Variants in ANK2 observed in about 807,000 individuals in gnomAD.
The protein encoded by ANK2 is ankyrin-2.
ANK2 carries 83 observed loss-of-function variants against 360.5 expected under a neutral mutation model. The ratio of observed to expected loss-of-function variants is 0.23; its 90% confidence interval spans 0.19 to 0.28. The LOEUF is 0.28. ANK2 is among the 10% of genes least tolerant of loss of function. The pLI is 1.00. For missense variants in ANK2, 4,201 were observed against 4,795.7 expected (o/e 0.88, Z 3.66); for synonymous variants, 1,740 against 1,759.5 (o/e 0.99, Z 0.28).
intron 1 of ANK2, among the ~76,000 whole-genome samples, chr4:113,172,908 A>G (rs1333677398): frequency 6.6e-6 from 1 of 152,226 alleles, no homozygotes; most frequent in Non-Finnish European, 1.5e-5. Flanking sequence ...AGCAAAATAA[A>G]TTTCATAGAA....
intron 1 of ANK2, among the ~76,000 whole-genome samples, chr4:113,106,094 G>T (rs1052262216): frequency 1.3e-5 from 2 of 151,974 alleles, no homozygotes; most frequent in Non-Finnish European, 2.9e-5. Context: ...CTATTATATG[G>T]TATGGCTTGA....
At chr4:113,195,929 G>A (rs1388203646) in intron 2 of ANK2, among the ~76,000 whole-genome samples, 2 of 152,140 alleles carry the variant, frequency 1.3e-5, no homozygotes, top group Non-Finnish European at 2.9e-5. Context: ...AATCCCAGGA[G>A]GTGGGGAGTA....
chr4:113,350,431 A>G, intron 37 of ANK2, 182 bp downstream of exon 37: 1 of 526,260 alleles, frequency 1.9e-6, no homozygotes, highest in South Asian at 3.0e-5. Flanking sequence ...AATATACCTA[A>G]TTTGCGAGCT....
chr4:113,230,514 CA>C (rs376508854), intron 4 of ANK2, among the ~76,000 whole-genome samples: 260 of 136,906 alleles, frequency 1.9e-3, no homozygotes, highest in Admixed American at 2.0e-3. Context: ...GACTCCATCT[CA>C]AAAAAAAAAA....
At chr4:112,949,787 A>T (rs2094809728) in intron 2 of ANK2, among the ~76,000 whole-genome samples, 2 of 152,248 alleles carry the variant, frequency 1.3e-5, no homozygotes, top group Admixed American at 1.3e-4. Flanking sequence ...AGGAAAAAGA[A>T]TGCCCAATTA....
chr4:113,142,316 A>G (rs939544784), intron 1 of ANK2, among the ~76,000 whole-genome samples: 11 of 152,194 alleles, frequency 7.2e-5, no homozygotes, highest in Non-Finnish European at 1.5e-4. Flanking sequence ...GGAAGATAGA[A>G]CTAGAAACGT....
At chr4:113,013,447 T>C (rs1224459813) in intron 2 of ANK2, among the ~76,000 whole-genome samples, 2 of 152,228 alleles carry the variant, frequency 1.3e-5, no homozygotes, top group Non-Finnish European at 1.5e-5. Context: ...TTGGTATTTA[T>C]GTCTTTCTCA....
chr4:112,988,865 T>C (rs2045806294), intron 2 of ANK2, among the ~76,000 whole-genome samples: 1 of 151,924 alleles, frequency 6.6e-6, no homozygotes, highest in Non-Finnish European at 1.5e-5. Flanking sequence ...CAGAGCTCAA[T>C]ATGTAAGCGT....
intron 1 of ANK2, among the ~76,000 whole-genome samples, chr4:113,157,330 A>G (rs1199402625): frequency 6.6e-6 from 1 of 152,214 alleles, no homozygotes; most frequent in Non-Finnish European, 1.5e-5. Flanking sequence ...AGCTAGTAAC[A>G]GTCTACGTGC....
At chr4:112,784,321 A>T in the ANK2 span, among the ~76,000 whole-genome samples, 267 of 145,376 alleles carry the variant, frequency 1.8e-3, 1 homozygote, top group African/African-American at 6.3e-3. Flanking sequence ...AGAAATTGGG[A>T]CTACAGGCAC....
the ANK2 span, among the ~76,000 whole-genome samples, chr4:112,804,317 G>A: frequency 1.3e-5 from 2 of 152,126 alleles, no homozygotes; most frequent in African/African-American, 2.4e-5. Flanking sequence ...ACCGTGCCCG[G>A]CCAATCTCAC....
intron 2 of ANK2, among the ~76,000 whole-genome samples, chr4:112,993,505 A>C (rs1372031956): frequency 1.3e-5 from 2 of 151,506 alleles, no homozygotes; most frequent in Admixed American, 1.3e-4. Flanking sequence ...ACAGGGTTTC[A>C]CCATTGTGGC....
At chr4:112,829,026 G>A (rs116555625) in intron 1 of ANK2, among the ~76,000 whole-genome samples, 144 of 152,164 alleles carry the variant, frequency 9.5e-4, no homozygotes, top group African/African-American at 3.2e-3. Flanking sequence ...GCGTGGTGGC[G>A]CCTGTAATCC....
chr4:112,843,245 G>A (rs1458316786), intron 1 of ANK2, among the ~76,000 whole-genome samples: 2 of 152,206 alleles, frequency 1.3e-5, no homozygotes, highest in African/African-American at 4.8e-5. Context: ...CCTTCACGGA[G>A]ATGTACAACT....
At chr4:113,323,711 T>C (rs760006121) in intron 26 of ANK2, 1 of 1,567,506 alleles carries the variant, frequency 6.4e-7, no homozygotes, top group South Asian at 1.2e-5. Flanking sequence ...TCCTTATATT[T>C]CACTTTATCC....
Position 113,355,615 on chromosome 4 carries a change from GTAGCAT to G in ANK2, c.7002_7007del (p.Leu2335_Ala2336del). ...AGATGATTGCACAGGCAGCTGTAGT[GTAGCAT>G]TAGCTAAAGAGACACCTACAGGACT... On this transcript the variant is annotated inframe_deletion, in exon 38 of 46. Transcript: ENST00000357077. The G allele has an allele frequency of 6.2e-7, 1 of 1,614,088 alleles. No homozygotes were observed. Among genetic ancestry groups the G allele is most frequent in the Non-Finnish European group, 8.5e-7 (1 of 1,179,982 alleles).
chr4:113,104,302 C>T (rs559454155), intron 1 of ANK2, among the ~76,000 whole-genome samples: 1 of 152,204 alleles, frequency 6.6e-6, no homozygotes, highest in South Asian at 2.1e-4. Flanking sequence ...AAAAGAAAAG[C>T]AATTAGTTTG....
chr4:112,758,451 C>T, the ANK2 span, among the ~76,000 whole-genome samples: 1 of 152,094 alleles, frequency 6.6e-6, no homozygotes. Flanking sequence ...CACTCTGTCG[C>T]CCAGGCTGGA....
At chr4:112,917,619 A>G (rs187421605) in intron 2 of ANK2, among the ~76,000 whole-genome samples, 5 of 152,254 alleles carry the variant, frequency 3.3e-5, no homozygotes, top group Non-Finnish European at 5.9e-5. Context: ...GATGACATAC[A>G]TATCTTGGGG....
Sources: gnomAD v4.1 joint callset for allele counts (sites outside exome capture counted in the v4.1 genomes callset) on GRCh38, gnomAD v4.1.1 for gene constraint, MANE v1.5 for transcripts, NCBI Gene and HGNC (gene_info 2026-07-23, HGNC 2026-07-21) for gene names.